Variants in MEOX1 observed in about 807,000 individuals in gnomAD.
The protein encoded by MEOX1 is homeobox protein MOX-1.
MEOX1 carries 17 observed loss-of-function variants against 23.2 expected under a neutral mutation model. The ratio of observed to expected loss-of-function variants is 0.73; its 90% CI spans 0.50 to 1.10. The LOEUF is 1.10. Ranked by LOEUF, MEOX1 falls within the 50% of genes least tolerant of loss-of-function variation. The pLI is 0.00. For missense variants in MEOX1, 333 were observed against 332.2 expected, an observed-to-expected ratio of 1.00 and a Z score of -0.02; for synonymous variants, 134 against 135.1, an observed-to-expected ratio of 0.99 and a Z score of 0.06.
At chr17:43,645,412 C>G (rs1352541028) in intron 1 of MEOX1, among the ~76,000 whole-genome samples, 1 of 152,060 alleles carries the variant, frequency 6.6e-6, no homozygotes, top group African/African-American at 2.4e-5. Flanking sequence ...CTCCTGACCT[C>G]GTGATCTGCC....
Position 43,640,915 on chromosome 17 carries a change from T to G in MEOX1, c.*995A>C, listed in dbSNP as rs938431020. On this transcript the variant is annotated 3_prime_UTR_variant, in exon 3 of 3. Transcript: ENST00000318579. ...CACTGGAGAACCTTCCACTCCAGGG[T>G]TCCACATCTCCAGGCCCTCACCCAG... is the stretch of plus-strand genomic sequence containing the variant. 1.3e-5 allele frequency: 2 copies of G among 152,100 alleles called. No homozygotes were observed. Among genetic ancestry groups the G allele is most frequent in the Non-Finnish European group, 2.9e-5 (2 of 68,026 alleles). The allele number at this position is 152,100 out of a possible 1,614,324, so 9.4% of individuals were successfully genotyped here.
intron 1 of MEOX1, among the ~76,000 whole-genome samples, chr17:43,651,208 A>G (rs1972910136): frequency 6.6e-6 from 1 of 151,946 alleles, no homozygotes; most frequent in Non-Finnish European, 1.5e-5. Flanking sequence ...AGTCCCAGCT[A>G]CTCGGGAGGC....
At chr17:43,652,468 GGGGTTACCAA>G (rs1972935094) in intron 1 of MEOX1, among the ~76,000 whole-genome samples, 1 of 152,172 alleles carries the variant, frequency 6.6e-6, no homozygotes, top group Non-Finnish European at 1.5e-5. Context: ...ACTGGAGCCA[GGGGTTACCAA>G]GTGTTGGCTG....
chr17:43,654,233 G>A (rs945463230), intron 1 of MEOX1, among the ~76,000 whole-genome samples: 3 of 152,194 alleles, frequency 2.0e-5, no homozygotes, highest in African/African-American at 7.2e-5. Context: ...AAGAAGGGGA[G>A]ATTAGGGGCT....
intron 2 of MEOX1, among the ~76,000 whole-genome samples, chr17:43,642,932 T>C (rs967445514): frequency 6.6e-6 from 1 of 152,164 alleles, no homozygotes; most frequent in Non-Finnish European, 1.5e-5. Context: ...TAGGGGGCCT[T>C]TGAAAAATTC....
Position 43,648,703 on chromosome 17 carries a change from A to T in MEOX1, c.470-5043T>A, listed in dbSNP as rs146324125. On this transcript the variant is annotated intron_variant, in intron 1 of 2. Coordinates refer to ENST00000318579, the MANE Select transcript of MEOX1 (RefSeq NM_004527.4). ...ACACTCCCTACTCTCTCTTCCATTG[A>T]GAACCCTTAGCCTTGATGAAGTCTG... Among the ~76,000 whole-genome samples, 656 of 152,240 alleles carry T rather than the reference A, an allele frequency of 4.3e-3. 10 individuals are homozygous for T. In the South Asian group the frequency reaches 0.046, roughly 11 times the overall value.
chr17:43,643,518 A>G lies in MEOX1; in HGVS notation c.612T>C (p.Ile204=), dbSNP rs758257527. 2 of 1,603,836 alleles carry G rather than the reference A, an allele frequency of 1.2e-6. No homozygotes were observed. Among genetic ancestry groups the G allele is most frequent in the Non-Finnish European group, 1.7e-6 (2 of 1,175,548 alleles). ...NYLTRLRRYE[I]AVNLDLSERQ... is the part of the protein sequence containing the mutation. ...GCTCAGAGAGGTCCAGGTTTACCGCAATCTCATATCTGCGGAGCCGAGTCA... is the reference window on the plus strand; with the variant it reads ...GCTCAGAGAGGTCCAGGTTTACCGCGATCTCATATCTGCGGAGCCGAGTCA... Residue 204 remains isoleucine, a synonymous_variant, in exon 2 of 3, where the codon ATT becomes ATC. Transcript: ENST00000318579.
At position 43,642,140 on chromosome 17, in the gene MEOX1, A is replaced by C. The variant is rs541423241; in HGVS notation, c.643-108T>G. 1.1e-4 allele frequency: 130 copies of C among 1,152,314 alleles called. 1 individual carries two copies. In the South Asian group the frequency reaches 1.9e-3, roughly 17 times the overall value. 71.4% of individuals were successfully genotyped at this position (1,152,314 alleles called of 1,614,324 possible). On this transcript the variant is annotated intron_variant, in intron 2 of 2. Coordinates refer to ENST00000318579, the MANE Select transcript of MEOX1 (RefSeq NM_004527.4). The stretch of plus-strand genomic sequence containing the variant: ...GTAACTCCAGGGACCCCAGCTTGAA[A>C]CCATCACTTACCACTCCCTACTCCC...
chr17:43,659,068 T>C (rs1010440410), intron 1 of MEOX1, among the ~76,000 whole-genome samples: 7 of 152,234 alleles, frequency 4.6e-5, no homozygotes, highest in Non-Finnish European at 8.8e-5. Context: ...TGCAGGGCCA[T>C]CGGCCACTCG....
At chr17:43,657,034 C>CTTTCTTTCT (rs1555567837) in intron 1 of MEOX1, among the ~76,000 whole-genome samples, 1 of 130,358 alleles carries the variant, frequency 7.7e-6, no homozygotes, top group Non-Finnish European at 1.7e-5. Flanking sequence ...TTCTTTCTTT[C>CTTTCTTTCT]TTTCTTTCTT....
intron 1 of MEOX1, among the ~76,000 whole-genome samples, chr17:43,644,773 G>A (rs1972771306): frequency 1.3e-5 from 2 of 152,180 alleles, no homozygotes; most frequent in South Asian, 4.2e-4. Context: ...AAAATTAGCT[G>A]GGCGCGGTGG....
chr17:43,652,068 T>A (rs1418104830), intron 1 of MEOX1, among the ~76,000 whole-genome samples: 6 of 152,188 alleles, frequency 3.9e-5, no homozygotes, highest in Non-Finnish European at 8.8e-5. Flanking sequence ...TTTCTTTGCT[T>A]GTCAGAAGAG....
chr17:43,642,523 G>C (rs1972715484), intron 2 of MEOX1, among the ~76,000 whole-genome samples: 1 of 152,228 alleles, frequency 6.6e-6, no homozygotes, highest in African/African-American at 2.4e-5. Context: ...TAGGAAAAGT[G>C]ATAGAGGCAG....
intron 1 of MEOX1, among the ~76,000 whole-genome samples, chr17:43,643,968 A>AC (rs1469054948): frequency 3.1e-5 from 4 of 130,390 alleles, no homozygotes; most frequent in Admixed American, 9.8e-5. Flanking sequence ...TCCCCAGCCC[A>AC]CCCCCCAGCA....
rs1178882348 is a variant in MEOX1 at position 43,661,893 on chromosome 17, G to C, written c.-359C>G. ...CACCAGCTGACGAGGAGTTCGTCCT[G>C]GAGCCCAGAGCAAATGCCTGCAGAG... On this transcript the variant is annotated 5_prime_UTR_variant, in exon 1 of 3. Coordinates refer to ENST00000318579, the MANE Select transcript of MEOX1 (RefSeq NM_004527.4). The C allele has an allele frequency of 5.3e-6, 1 of 187,260 alleles. No individual in the cohort carries two copies. 11.6% of individuals were successfully genotyped at this position (187,260 alleles called of 1,614,324 possible). A position where few individuals can be genotyped will look rare whatever the true frequency, so the allele number is the denominator to read the frequency against.
intron 1 of MEOX1, among the ~76,000 whole-genome samples, chr17:43,646,968 C>T (rs1972826438): frequency 6.6e-6 from 1 of 152,124 alleles, no homozygotes; most frequent in African/African-American, 2.4e-5. Flanking sequence ...GCCTGGGCAA[C>T]GAGAGCAAAA....
intron 1 of MEOX1, among the ~76,000 whole-genome samples, chr17:43,650,725 C>T (rs1383274750): frequency 1.3e-5 from 2 of 152,236 alleles, no homozygotes; most frequent in Non-Finnish European, 2.9e-5. Flanking sequence ...AGCATAGACA[C>T]TTTGATGTCC....
intron 1 of MEOX1, among the ~76,000 whole-genome samples, chr17:43,655,194 C>T (rs1014842362): frequency 2.6e-5 from 4 of 152,058 alleles, no homozygotes; most frequent in Non-Finnish European, 4.4e-5. Context: ...ATTTGGTGGC[C>T]GGGCACAGTG....
chr17:43,657,409 AC>A (rs1415966433), intron 1 of MEOX1, among the ~76,000 whole-genome samples: 1 of 143,666 alleles, frequency 7.0e-6, no homozygotes, highest in East Asian at 2.0e-4. Flanking sequence ...TCAGTCTTGA[AC>A]TCCTGGCCTC....
Sources: gnomAD v4.1 joint callset for allele counts (sites outside exome capture counted in the v4.1 genomes callset) on GRCh38, gnomAD v4.1.1 for gene constraint, MANE v1.5 for transcripts, NCBI Gene and HGNC (gene_info 2026-07-23, HGNC 2026-07-21) for gene names.